The following FAM117A variants were observed in gnomAD, a reference collection of about 807,000 sequenced individuals.
FAM117A encodes protein FAM117A.
A neutral mutation model predicts 44.1 loss-of-function variants in FAM117A; 21 were observed. That is an observed-to-expected ratio of 0.48 (90% CI 0.34 to 0.69). FAM117A has a LOEUF of 0.69. FAM117A is among the 30% of genes least tolerant of loss of function. The pLI, the probability that FAM117A is intolerant of heterozygous loss-of-function variation, is 0.01. For missense variants in FAM117A, 498 were observed against 589.9 expected, an observed-to-expected ratio of 0.84 and a Z score of 1.61; for synonymous variants, 220 against 238.3, an observed-to-expected ratio of 0.92 and a Z score of 0.71.
At chr17:49,764,283 G>A (rs923785128), upstream of FAM117A, 7 of 337,956 alleles carry the variant, frequency 2.1e-5, no homozygotes, top group East Asian at 4.6e-5. Context: ...ATGATTGGTC[G>A]ATGAGCCTAG....
chr17:49,778,024 C>T (rs760652939), intron 1 of FAM117A, among the ~76,000 whole-genome samples: 2 of 152,214 alleles, frequency 1.3e-5, no homozygotes, highest in Non-Finnish European at 1.5e-5. Context: ...TGTGGGAGCA[C>T]ATGGTAATTG....
Position 49,719,860 on chromosome 17 carries a change from A to T in FAM117A, c.608T>A (p.Val203Asp), listed in dbSNP as rs2143702966. Residue 203 changes from valine (V) to aspartate (D), a missense_variant, in exon 5 of 8, where the codon GTC (valine) becomes GAC (aspartate). Coordinates refer to ENST00000240364, the MANE Select transcript of FAM117A (RefSeq NM_030802.4). ...SPPSFPSGSP[V>D]LRLSPCLHRS... ...GTGCAGGCAGGGGCTGAGTCGCAAG[A>T]CAGGGGACCCTGAGGGGAAGCTGGG... The T allele has an allele frequency of 6.2e-7, 1 of 1,607,064 alleles. No individual in the cohort carries two copies. The highest frequency in any genetic ancestry group is 2.3e-5 in the East Asian group (1 of 44,406).
chr17:49,767,081 T>C (rs943998145), upstream of FAM117A, among the ~76,000 whole-genome samples: 1 of 152,170 alleles, frequency 6.6e-6, no homozygotes, highest in African/African-American at 2.4e-5. Context: ...AAGGGAGGCA[T>C]GCATAGGACA....
chr17:49,721,084 G>T (rs1598020494), intron 3 of FAM117A, among the ~76,000 whole-genome samples: 1 of 152,102 alleles, frequency 6.6e-6, no homozygotes, highest in South Asian at 2.1e-4. Flanking sequence ...CATTCACAAC[G>T]ATCTTAGAGG....
At chr17:49,788,369 T>A (rs2073832887) in intron 1 of FAM117A, 1 of 158,428 alleles carries the variant, frequency 6.3e-6, no homozygotes, top group Non-Finnish European at 1.4e-5. Context: ...CTGGGGGGTT[T>A]CCTTCCTCGA....
intron 1 of FAM117A, among the ~76,000 whole-genome samples, chr17:49,754,400 G>A (rs1471258429): frequency 6.6e-6 from 1 of 151,968 alleles, no homozygotes; most frequent in African/African-American, 2.4e-5. Context: ...TGTCTCCCGG[G>A]TTCACACCAT....
intron 1 of FAM117A, among the ~76,000 whole-genome samples, chr17:49,741,738 C>T (rs1042022135): frequency 9.9e-5 from 15 of 152,184 alleles, no homozygotes; most frequent in East Asian, 1.9e-4. Flanking sequence ...GCAGTAAGCA[C>T]GGGAAGTTCC....
intron 1 of FAM117A, among the ~76,000 whole-genome samples, chr17:49,739,913 C>CA (rs1436105868): frequency 1.3e-5 from 2 of 152,244 alleles, no homozygotes; most frequent in Non-Finnish European, 2.9e-5. Context: ...AGCACCCTGG[C>CA]ACCAGGCCAG....
At chr17:49,783,417 T>TA (rs2073795667) in intron 1 of FAM117A, among the ~76,000 whole-genome samples, 1 of 152,144 alleles carries the variant, frequency 6.6e-6, no homozygotes, top group South Asian at 2.1e-4. Flanking sequence ...ATTTTTTTTT[T>TA]TAGCGATTTT....
Position 49,787,088 on chromosome 17 carries a change from GA to G in FAM117A, c.-621+1408del, listed in dbSNP as rs202142453. ...AACACAGCAAGACTCTGTCTTGAAA[GA>G]AAAAAAAAGAAGAGAGAGAAAAAAA... On this transcript the variant is annotated intron_variant, in intron 1 of 7. Coordinates refer to the FAM117A transcript ENST00000513602. 8.9e-3 allele frequency among the ~76,000 whole-genome samples: 1,327 copies of G among 149,628 alleles called. 9 individuals carry two copies. The highest frequency in any genetic ancestry group is 0.017 in the Middle Eastern group (5 of 288).
chr17:49,777,883 G>A (rs1391508790), intron 1 of FAM117A, among the ~76,000 whole-genome samples: 1 of 152,176 alleles, frequency 6.6e-6, no homozygotes, highest in Non-Finnish European at 1.5e-5. Context: ...AATATGCCAA[G>A]GGACCAACAG....
chr17:49,758,188 T>A (rs965959828), intron 1 of FAM117A, among the ~76,000 whole-genome samples: 1 of 150,832 alleles, frequency 6.6e-6, no homozygotes, highest in Admixed American at 6.6e-5. Context: ...AAAAATTAGC[T>A]GGGCATGGTG....
intron 2 of FAM117A, among the ~76,000 whole-genome samples, chr17:49,731,054 C>G (rs185078988): frequency 6.6e-6 from 1 of 152,186 alleles, no homozygotes; most frequent in Non-Finnish European, 1.5e-5. Context: ...AAGAACAGTA[C>G]TGGGCATTCA....
At chr17:49,723,715 C>T (rs778840040) in intron 2 of FAM117A, among the ~76,000 whole-genome samples, 4 of 151,986 alleles carry the variant, frequency 2.6e-5, no homozygotes, top group Non-Finnish European at 4.4e-5. Context: ...AAGAGGAGCT[C>T]GGCGGGGGAG....
At chr17:49,772,534 G>A (rs367858967) in intron 1 of FAM117A, among the ~76,000 whole-genome samples, 7 of 151,466 alleles carry the variant, frequency 4.6e-5, no homozygotes, top group South Asian at 2.1e-4. Flanking sequence ...GGTGGATTAC[G>A]AGGTCAGAAG....
chr17:49,750,303 T>C (rs200864131), intron 1 of FAM117A, among the ~76,000 whole-genome samples: 1 of 148,872 alleles, frequency 6.7e-6, no homozygotes, highest in South Asian at 2.1e-4. Flanking sequence ...CTTTCCTTCA[T>C]TGAGTTTCCT....
At chr17:49,775,269 T>C (rs898856206) in intron 1 of FAM117A, among the ~76,000 whole-genome samples, 1 of 152,202 alleles carries the variant, frequency 6.6e-6, no homozygotes, top group Admixed American at 6.5e-5. Flanking sequence ...ATTACAGGCA[T>C]GAGCCACTGC....
chr17:49,724,822 GAAAAAAAA>G (rs906558600), intron 2 of FAM117A, among the ~76,000 whole-genome samples: 1 of 43,592 alleles, frequency 2.3e-5, no homozygotes, highest in African/African-American at 8.1e-5. Context: ...ACAGTCTCAA[GAAAAAAAA>G]AAAAAAAAAG....
intron 7 of FAM117A, among the ~76,000 whole-genome samples, chr17:49,715,365 A>G (rs1190641474): frequency 6.6e-6 from 1 of 152,148 alleles, no homozygotes; most frequent in African/African-American, 2.4e-5. Context: ...TCCCAGCTAC[A>G]TCTTCACTCA....
Sources: allele counts gnomAD v4.1 joint callset (sites outside exome capture counted in the v4.1 genomes callset), GRCh38; gene constraint gnomAD v4.1.1; transcripts MANE v1.5; gene names NCBI Gene and HGNC (gene_info 2026-07-23, HGNC 2026-07-21).